FTCDNL1: variants seen among roughly 807,000 people sequenced by gnomAD.
The protein encoded by FTCDNL1 is formiminotransferase N-terminal subdomain-containing protein.
A neutral mutation model predicts 5.9 loss-of-function variants in FTCDNL1; 11 were observed. That is an observed-to-expected ratio of 1.87 (90% confidence interval 1.18 to 3.10). The LOEUF (loss-of-function observed/expected upper bound fraction) is 3.10, where lower values mean the gene tolerates loss of function less well. Among genes scored for constraint, FTCDNL1 ranks in the 30% most tolerant of loss-of-function variants. FTCDNL1 has a pLI of 0.00. For missense variants in FTCDNL1, 115 were observed against 65.5 expected, an observed-to-expected ratio of 1.76 and a Z score of -2.61; for synonymous variants, 58 against 24.8, an observed-to-expected ratio of 2.34 and a Z score of -3.99.
chr2:199,770,367 G>C (rs1298216484), intron 3 of FTCDNL1, among the ~76,000 whole-genome samples: 1 of 152,186 alleles, frequency 6.6e-6, no homozygotes, highest in Non-Finnish European at 1.5e-5. Context: ...CTAAGGCTTG[G>C]AGAGATGACC....
the FTCDNL1 span, among the ~76,000 whole-genome samples, chr2:199,714,960 G>A: frequency 7.4e-6 from 1 of 134,282 alleles, no homozygotes; most frequent in African/African-American, 2.7e-5. Context: ...GAGGGAGGGG[G>A]GAGGGATAGC....
At chr2:199,786,643 T>C (rs914810693) in intron 3 of FTCDNL1, among the ~76,000 whole-genome samples, 2 of 152,202 alleles carry the variant, frequency 1.3e-5, no homozygotes, top group East Asian at 3.9e-4. Flanking sequence ...ACATTTACCA[T>C]ATTTCATCAA....
At chr2:199,833,619 A>G (rs911813052) in intron 3 of FTCDNL1, among the ~76,000 whole-genome samples, 5 of 152,226 alleles carry the variant, frequency 3.3e-5, no homozygotes, top group Non-Finnish European at 7.3e-5. Context: ...CCACAGCAAC[A>G]AAGAGTTAAC....
At chr2:199,701,844 GA>G in the FTCDNL1 span, among the ~76,000 whole-genome samples, 1 of 152,142 alleles carries the variant, frequency 6.6e-6, no homozygotes, top group Non-Finnish European at 1.5e-5. Context: ...AGACCAGCCT[GA>G]CCAACATGGC....
downstream of FTCDNL1, among the ~76,000 whole-genome samples, chr2:199,759,389 C>A (rs865885523): frequency 4.0e-5 from 6 of 151,402 alleles, no homozygotes; most frequent in African/African-American, 9.7e-5. Context: ...GCACTCCCTG[C>A]GAGTTAGGAG....
chr2:199,779,420 TC>T (rs1477781610), intron 3 of FTCDNL1, among the ~76,000 whole-genome samples: 1 of 152,186 alleles, frequency 6.6e-6, no homozygotes, highest in African/African-American at 2.4e-5. Context: ...AAACAAGTTA[TC>T]TCAAAAGCAA....
At chr2:199,750,049 A>G in the FTCDNL1 span, among the ~76,000 whole-genome samples, 117,315 of 150,688 alleles carry the variant, frequency 0.78, 48,429 homozygotes, top group South Asian at 0.96. Context: ...AAATTTAAAA[A>G]TTTAAATTTA....
At chr2:199,786,082 C>T (rs1397167629) in intron 3 of FTCDNL1, among the ~76,000 whole-genome samples, 4 of 152,104 alleles carry the variant, frequency 2.6e-5, no homozygotes, top group Non-Finnish European at 2.9e-5. Flanking sequence ...GGCTTGCCCT[C>T]CTGCTGCTCA....
intron 3 of FTCDNL1, among the ~76,000 whole-genome samples, chr2:199,769,840 T>C (rs1350264505): frequency 1.3e-5 from 2 of 152,202 alleles, no homozygotes; most frequent in African/African-American, 4.8e-5. Flanking sequence ...ATCTCTTTAC[T>C]AAACTCTTCT....
At chr2:199,733,546 C>T in the FTCDNL1 span, among the ~76,000 whole-genome samples, 2 of 152,174 alleles carry the variant, frequency 1.3e-5, no homozygotes, top group African/African-American at 4.8e-5. Flanking sequence ...AGAAAGATGT[C>T]TCATCAGTGG....
chr2:199,669,761 A>G, the FTCDNL1 span, among the ~76,000 whole-genome samples: 6 of 152,198 alleles, frequency 3.9e-5, no homozygotes, highest in Non-Finnish European at 8.8e-5. Flanking sequence ...GAATTAGGAA[A>G]TCCAGGAATG....
the FTCDNL1 span, among the ~76,000 whole-genome samples, chr2:199,727,765 T>C: frequency 6.6e-6 from 1 of 152,286 alleles, no homozygotes; most frequent in Admixed American, 6.5e-5. Flanking sequence ...TTGGCCTCAA[T>C]TAAAAATAAT....
At chr2:199,682,683 T>A in the FTCDNL1 span, among the ~76,000 whole-genome samples, 3 of 152,226 alleles carry the variant, frequency 2.0e-5, no homozygotes, top group African/African-American at 7.2e-5. Context: ...AATTTTGCAA[T>A]TAGCAACAAT....
chr2:199,828,178 T>G (rs1202293330), intron 3 of FTCDNL1, among the ~76,000 whole-genome samples: 3 of 152,182 alleles, frequency 2.0e-5, no homozygotes, highest in Admixed American at 2.0e-4. Context: ...AATCTCATAT[T>G]TAGTCAGAGA....
At chr2:199,761,343 G>A (rs968678670) in intron 3 of FTCDNL1, among the ~76,000 whole-genome samples, 2 of 152,220 alleles carry the variant, frequency 1.3e-5, no homozygotes, top group Non-Finnish European at 2.9e-5. Flanking sequence ...TGTTCTCACT[G>A]TGTACGTCGA....
the FTCDNL1 span, among the ~76,000 whole-genome samples, chr2:199,739,728 C>T: frequency 6.6e-6 from 1 of 152,190 alleles, no homozygotes; most frequent in Admixed American, 6.5e-5. Context: ...CCCAACACCC[C>T]GAAATGCTTA....
chr2:199,738,968 C>T, the FTCDNL1 span, among the ~76,000 whole-genome samples: 1 of 152,070 alleles, frequency 6.6e-6, no homozygotes, highest in African/African-American at 2.4e-5. Flanking sequence ...CGTAATAGCA[C>T]CATAAAATGT....
intron 3 of FTCDNL1, among the ~76,000 whole-genome samples, chr2:199,820,412 T>A (rs1379179530): frequency 6.6e-6 from 1 of 152,086 alleles, no homozygotes; most frequent in African/African-American, 2.4e-5. Flanking sequence ...GAGAACAGCC[T>A]GGGCAACATA....
chr2:199,828,476 GCT>G (rs2106560562), intron 3 of FTCDNL1, among the ~76,000 whole-genome samples: 1 of 152,276 alleles, frequency 6.6e-6, no homozygotes, highest in Non-Finnish European at 1.5e-5. Flanking sequence ...GCTCACTGTA[GCT>G]CTCTTAGCTG....
Sources: allele counts gnomAD v4.1 joint callset (sites outside exome capture counted in the v4.1 genomes callset), GRCh38; gene constraint gnomAD v4.1.1; transcripts MANE v1.5; gene names NCBI Gene and HGNC (gene_info 2026-07-23, HGNC 2026-07-21).